SRGAP2: variants seen among roughly 807,000 people sequenced by gnomAD.
SRGAP2 encodes SLIT-ROBO Rho GTPase activating protein 2, also known as SLIT-ROBO Rho GTPase-activating protein 2.
In SRGAP2, 15 loss-of-function variants were observed where a neutral mutation model predicts 57.2. The ratio of observed to expected loss-of-function variants is 0.26; its 90% CI spans 0.18 to 0.40. SRGAP2 has a LOEUF of 0.40. SRGAP2 is among the 10% of genes least tolerant of loss of function. SRGAP2 has a pLI of 1.00. For synonymous variants in SRGAP2, 249 were observed against 248.0 expected (o/e 1.00, Z -0.04); for missense variants, 520 against 669.6 (o/e 0.78, Z 2.47).
intron 17 of SRGAP2, among the ~76,000 whole-genome samples, chr1:206,444,144 T>G (rs1662546793): frequency 6.6e-6 from 1 of 151,392 alleles, no homozygotes; most frequent in Non-Finnish European, 1.5e-5. Flanking sequence ...GAGCCAAGAT[T>G]GTACCACTGT....
chr1:206,437,292 C>T (rs1553370415), intron 15 of SRGAP2, among the ~76,000 whole-genome samples: 1 of 152,190 alleles, frequency 6.6e-6, no homozygotes, highest in East Asian at 1.9e-4. Flanking sequence ...TGCCAAAACC[C>T]AAGAAGTTAA....
rs1553377718 is a variant in SRGAP2, at chr1:206,454,765, C to T, written c.2361-113C>T. On this transcript the variant is annotated intron_variant, in intron 20 of 22. Transcript: ENST00000573034. This position sits in a 1 kb window ranked among gnomAD's most constrained non-coding sequence, Gnocchi z 4.3. Reference sequence around the variant, plus strand: ...GTCCAGCCAGGTGTCGCTGCTGCCTCAGAGCTGTGTGGGGTCGCGTGTATG... The same window carrying T: ...GTCCAGCCAGGTGTCGCTGCTGCCTTAGAGCTGTGTGGGGTCGCGTGTATG... 4.8e-6 allele frequency: 3 copies of T among 619,688 alleles called. No homozygotes were observed. Among genetic ancestry groups the T allele is most frequent in the African/African-American group, 3.7e-5 (2 of 54,440 alleles). 38.4% of individuals were successfully genotyped at this position (619,688 alleles called of 1,614,324 possible). A position where few individuals can be genotyped will look rare whatever the true frequency, so the allele number is the denominator to read the frequency against.
chr1:206,459,919 A>G (rs893113413), intron 22 of SRGAP2, among the ~76,000 whole-genome samples: 5 of 152,178 alleles, frequency 3.3e-5, no homozygotes, highest in African/African-American at 1.2e-4. Flanking sequence ...GCCTTGCGCT[A>G]CGGGAATCCT....
At chr1:206,209,806 G>A (rs1571569685) in intron 2 of SRGAP2, among the ~76,000 whole-genome samples, 1 of 151,052 alleles carries the variant, frequency 6.6e-6, no homozygotes, top group East Asian at 1.9e-4. Flanking sequence ...TATAACCTAT[G>A]TACACACGTC....
intron 21 of SRGAP2, chr1:206,455,278 A>G (rs1170314055): frequency 1.9e-6 from 1 of 530,962 alleles, no homozygotes; most frequent in Non-Finnish European, 3.4e-6. Flanking sequence ...GTGTTCCCGC[A>G]GTGTCTGTCC....
intron 2 of SRGAP2, among the ~76,000 whole-genome samples, chr1:206,245,137 T>C (rs202080784): frequency 0.42 from 42,547 of 101,754 alleles, 10,773 homozygotes; most frequent in East Asian, 0.62. Flanking sequence ...TCAGCTTCTC[T>C]GTGGAAGTGG....
intron 1 of SRGAP2, chr1:206,205,085 G>A (rs1217404848): frequency 6.6e-6 from 1 of 151,912 alleles, no homozygotes; most frequent in Non-Finnish European, 1.5e-5. Context: ...CCACGTCGGG[G>A]GCTAGGTCGG....
intron 19 of SRGAP2, among the ~76,000 whole-genome samples, chr1:206,452,649 G>A (rs1553376361): frequency 6.6e-6 from 1 of 152,156 alleles, no homozygotes; most frequent in South Asian, 2.1e-4. Flanking sequence ...AGCACTTTGG[G>A]AGGCCGAGGC....
At chr1:206,327,058 G>A (rs1398643919) in intron 3 of SRGAP2, among the ~76,000 whole-genome samples, 1 of 152,054 alleles carries the variant, frequency 6.6e-6, no homozygotes, top group African/African-American at 2.4e-5. Flanking sequence ...CGGGTGCGGT[G>A]GTTCACACCT....
chr1:206,378,195 A>AT lies in SRGAP2; in HGVS notation c.424-5812dup, dbSNP rs1177859555. Among the ~76,000 whole-genome samples the AT allele has an allele frequency of 1.2e-4, 18 of 150,282 alleles. No homozygotes were observed. The East Asian group carries it at 2.9e-3, about 24-fold the overall frequency. ...TCACGAGACTCCATATCTGAAAACA[A>AT]TTTTTTTAAAAATTAGCCAAGCATG... is the stretch of plus-strand genomic sequence containing the variant. On this transcript the variant is annotated intron_variant, in intron 4 of 22. Transcript: ENST00000573034.
intron 4 of SRGAP2, among the ~76,000 whole-genome samples, chr1:206,355,466 T>C (rs1266724171): frequency 6.6e-6 from 1 of 152,182 alleles, no homozygotes; most frequent in East Asian, 1.9e-4. Context: ...CCCTCTAGAA[T>C]AGGGCTGTGA....
At chr1:206,333,755 A>G (rs1425598635) in intron 3 of SRGAP2, among the ~76,000 whole-genome samples, 4 of 152,220 alleles carry the variant, frequency 2.6e-5, no homozygotes, top group African/African-American at 9.6e-5. Context: ...TGACTTGCCC[A>G]AAGTTACCTG....
chr1:206,428,127 A>G lies in SRGAP2; in HGVS notation c.1495-2035A>G, dbSNP rs141343886. 1.6e-3 allele frequency among the ~76,000 whole-genome samples: 249 copies of G among 152,188 alleles called. 1 individual carries two copies. Among genetic ancestry groups the G allele is most frequent in the African/African-American group, 5.8e-3 (240 of 41,534 alleles). On this transcript the variant is annotated intron_variant, in intron 13 of 22. Coordinates refer to ENST00000573034, the MANE Select transcript of SRGAP2 (RefSeq NM_015326.5). ...TAAAAACAATAAATTAATTTAAAAT[A>G]TAAAATAGGCCGGGCGTGGTGACTC...
intron 3 of SRGAP2, among the ~76,000 whole-genome samples, chr1:206,325,241 G>A (rs1343561957): frequency 3.3e-5 from 5 of 151,914 alleles, no homozygotes; most frequent in African/African-American, 9.7e-5. Context: ...CTACAAGCTG[G>A]AATATACTTA....
intron 3 of SRGAP2, among the ~76,000 whole-genome samples, chr1:206,329,706 C>T (rs1339164509): frequency 6.9e-6 from 1 of 144,114 alleles, no homozygotes; most frequent in African/African-American, 2.6e-5. Context: ...AGATTTTGGG[C>T]TGAGACGAAG....
intron 13 of SRGAP2, among the ~76,000 whole-genome samples, chr1:206,425,102 A>C (rs1484772277): frequency 6.6e-6 from 1 of 152,188 alleles, no homozygotes; most frequent in African/African-American, 2.4e-5. Context: ...GTACTCACAC[A>C]ATTTGTTGAA....
At chr1:206,354,100 C>T (rs77623983) in intron 4 of SRGAP2, among the ~76,000 whole-genome samples, 1 of 151,972 alleles carries the variant, frequency 6.6e-6, no homozygotes, top group South Asian at 2.1e-4. Flanking sequence ...ACTTAAAAAT[C>T]CTTGTTTGCT....
chr1:206,460,072 G>A (rs1664137080), intron 22 of SRGAP2, among the ~76,000 whole-genome samples: 1 of 152,218 alleles, frequency 6.6e-6, no homozygotes, highest in South Asian at 2.1e-4. Context: ...ATAGGGATGA[G>A]TGAAACTGAA....
intron 3 of SRGAP2, among the ~76,000 whole-genome samples, chr1:206,327,386 A>G (rs1434249825): frequency 1.1e-4 from 16 of 150,320 alleles, no homozygotes; most frequent in African/African-American, 3.7e-4. Context: ...GGAATTTATG[A>G]AACAAGTTTA....
Sources: gnomAD v4.1 joint callset for allele counts (sites outside exome capture counted in the v4.1 genomes callset) on GRCh38, gnomAD v4.1.1 for gene constraint, Gnocchi (gnomAD v3.1) non-coding constraint, MANE v1.5 for transcripts, NCBI Gene and HGNC (gene_info 2026-07-23, HGNC 2026-07-21) for gene names.